The following FAT3 variants were observed in gnomAD, a reference collection of about 807,000 sequenced individuals.
FAT3 encodes FAT atypical cadherin 3.
A neutral mutation model predicts 310.2 loss-of-function variants in FAT3; 95 were observed. The observed-to-expected ratio is 0.31, with a 90% CI of 0.26 to 0.36. FAT3 has a LOEUF of 0.36. Among genes scored for constraint, FAT3 ranks in the 10% least tolerant of loss-of-function variants. The probability of loss-of-function intolerance (pLI) is 1.00; values close to 1 mark genes in which losing one functional copy is unlikely to be tolerated. For missense variants in FAT3, 5,408 were observed against 5,715.6 expected, an observed-to-expected ratio of 0.95 and a Z score of 1.74; for synonymous variants, 2,314 against 2,192.9, an observed-to-expected ratio of 1.06 and a Z score of -1.54.
chr11:92,417,913 A>G (rs648027), intron 2 of FAT3, among the ~76,000 whole-genome samples: 102,398 of 152,052 alleles, frequency 0.67, 37,992 homozygotes, highest in Non-Finnish European at 0.8. Flanking sequence ...GGAGAGGACA[A>G]TAGCAGTAGA....
At chr11:92,286,619 T>G (rs891841256) in intron 1 of FAT3, among the ~76,000 whole-genome samples, 1 of 152,198 alleles carries the variant, frequency 6.6e-6, no homozygotes, top group African/African-American at 2.4e-5. Context: ...ACATTTCTCT[T>G]GTTTTAATAA....
At chr11:92,537,988 C>A (rs912868668) in intron 3 of FAT3, among the ~76,000 whole-genome samples, 1 of 152,026 alleles carries the variant, frequency 6.6e-6, no homozygotes, top group Non-Finnish European at 1.5e-5. Context: ...TGGGAGTTTT[C>A]ATCGATGCTA....
At chr11:92,577,021 A>ATCAT (rs61260888) in intron 3 of FAT3, among the ~76,000 whole-genome samples, 37 of 151,132 alleles carry the variant, frequency 2.4e-4, no homozygotes, top group African/African-American at 8.0e-4. Context: ...TAGAATTCAA[A>ATCAT]TCATTCATTC....
intron 19 of FAT3, among the ~76,000 whole-genome samples, chr11:92,846,863 T>G (rs1379601056): frequency 1.3e-5 from 2 of 152,222 alleles, no homozygotes; most frequent in Non-Finnish European, 2.9e-5. Context: ...GTCACTCTTA[T>G]AATTAAGCTA....
intron 3 of FAT3, among the ~76,000 whole-genome samples, chr11:92,615,809 A>G (rs1045428763): frequency 1.6e-4 from 25 of 152,144 alleles, no homozygotes; most frequent in Non-Finnish European, 3.1e-4. Flanking sequence ...CTTAATCATG[A>G]GTTCTAGTTT....
chr11:92,612,452 A>G (rs1940610722), intron 3 of FAT3, among the ~76,000 whole-genome samples: 1 of 152,228 alleles, frequency 6.6e-6, no homozygotes, highest in African/African-American at 2.4e-5. Flanking sequence ...GATACAGCAG[A>G]GTAAGAAAAA....
chr11:92,409,272 G>A (rs1386525332), intron 2 of FAT3, among the ~76,000 whole-genome samples: 2 of 152,020 alleles, frequency 1.3e-5, no homozygotes, highest in East Asian at 1.9e-4. Flanking sequence ...GTGTGTGTGT[G>A]TGTGTATGTG....
At chr11:92,500,730 T>TAA (rs1952913839) in intron 2 of FAT3, among the ~76,000 whole-genome samples, 2 of 151,974 alleles carry the variant, frequency 1.3e-5, no homozygotes, top group Non-Finnish European at 2.9e-5. Context: ...ACAATCCTAT[T>TAA]AGAGTTGTGG....
intron 10 of FAT3, among the ~76,000 whole-genome samples, chr11:92,803,279 C>T (rs890682401): frequency 6.6e-6 from 1 of 152,164 alleles, no homozygotes; most frequent in African/African-American, 2.4e-5. Context: ...GTAATGAGTA[C>T]AGAGTAGCTT....
intron 3 of FAT3, among the ~76,000 whole-genome samples, chr11:92,547,791 C>G (rs956559518): frequency 2.6e-5 from 4 of 152,076 alleles, no homozygotes; most frequent in Non-Finnish European, 5.9e-5. Flanking sequence ...GTGAAGAGAC[C>G]CACTTGGCCC....
intron 4 of FAT3, among the ~76,000 whole-genome samples, chr11:92,736,640 A>C (rs932502495): frequency 2.0e-4 from 31 of 152,174 alleles, no homozygotes; most frequent in African/African-American, 7.5e-4. Context: ...TTGTCCTTTC[A>C]ATTTCTCCAG....
chr11:92,594,671 A>G (rs969870757), intron 3 of FAT3, among the ~76,000 whole-genome samples: 4 of 152,166 alleles, frequency 2.6e-5, no homozygotes, highest in Admixed American at 6.6e-5. Context: ...TAGTCTCTGA[A>G]CTCATGACAC....
chr11:92,285,331 C>T (rs1001897273), intron 1 of FAT3, among the ~76,000 whole-genome samples: 3 of 152,090 alleles, frequency 2.0e-5, no homozygotes, highest in African/African-American at 7.2e-5. Context: ...TTGGTAAGGA[C>T]AAGCTATTAC....
At chr11:92,812,455 G>A (rs551183934) in intron 13 of FAT3, among the ~76,000 whole-genome samples, 6 of 151,920 alleles carry the variant, frequency 3.9e-5, no homozygotes, top group South Asian at 2.1e-4. Context: ...GTGGTACTAC[G>A]CCTGTAGTCC....
intron 2 of FAT3, among the ~76,000 whole-genome samples, chr11:92,425,094 AG>A (rs1950602105): frequency 6.6e-6 from 1 of 151,968 alleles, no homozygotes; most frequent in Non-Finnish European, 1.5e-5. Flanking sequence ...ACTTGTTTTG[AG>A]TTATTTCTTT....
chr11:92,825,794 G>C (rs568418585), intron 13 of FAT3, among the ~76,000 whole-genome samples: 5 of 151,960 alleles, frequency 3.3e-5, no homozygotes, highest in Non-Finnish European at 7.4e-5. Flanking sequence ...TAGAGGACAG[G>C]GTATCAACTC....
intron 1 of FAT3, among the ~76,000 whole-genome samples, chr11:92,283,100 A>C (rs2134370308): frequency 6.6e-6 from 1 of 152,240 alleles, no homozygotes; most frequent in Non-Finnish European, 1.5e-5. Context: ...TCCAGCACTT[A>C]GTAGGTGTTC....
At chr11:92,601,991 C>T (rs1157377976) in intron 3 of FAT3, among the ~76,000 whole-genome samples, 1 of 152,136 alleles carries the variant, frequency 6.6e-6, no homozygotes, top group Non-Finnish European at 1.5e-5. Flanking sequence ...ATCTGCCTCT[C>T]CCTCCGTAAG....
At position 92,800,062 on chromosome 11, in the gene FAT3, G is replaced by T; in HGVS notation, c.7049G>T (p.Arg2350Leu). ...TCAAGTGGCTTAATCCTGACAGCAC[G>T]AATGCTGGACCATGAGTTAGTACAA... ...DSSSGLILTA[R>L]MLDHELVQHC... The change falls in exon 10 of 28, where the codon CGA becomes CTA. Residue 2350 changes from arginine (R) to leucine (L), a missense_variant. Coordinates refer to ENST00000525166, the MANE Select transcript of FAT3 (RefSeq NM_001367949.2). 1.9e-6 allele frequency: 3 copies of T among 1,613,950 alleles called. No homozygotes were observed. The highest frequency in any genetic ancestry group is 2.5e-6 in the Non-Finnish European group (3 of 1,179,876).
Sources: gnomAD v4.1 joint callset for allele counts (sites outside exome capture counted in the v4.1 genomes callset) on GRCh38, gnomAD v4.1.1 for gene constraint, MANE v1.5 for transcripts, NCBI Gene and HGNC (gene_info 2026-07-23, HGNC 2026-07-21) for gene names.